Variants in SLCO1B1 observed in about 807,000 individuals in gnomAD.
SLCO1B1 encodes solute carrier organic anion transporter family member 1B1.
In SLCO1B1, 81 loss-of-function variants were observed where a neutral mutation model predicts 70.1. The observed-to-expected ratio is 1.16, with a 90% confidence interval of 0.97 to 1.39. The LOEUF is 1.39. Ranked by LOEUF, SLCO1B1 falls within the 40% of genes most tolerant of loss-of-function variation. The pLI is 0.00. For synonymous variants in SLCO1B1, 283 were observed against 271.5 expected (o/e 1.04, Z -0.42); for missense variants, 895 against 799.6 (o/e 1.12, Z -1.44).
intron 1 of SLCO1B1, among the ~76,000 whole-genome samples, chr12:21,139,468 A>C (rs1210939260): frequency 6.6e-6 from 1 of 152,164 alleles, no homozygotes; most frequent in Non-Finnish European, 1.5e-5. Flanking sequence ...ATATACTCAC[A>C]TATATGTAAG....
intron 2 of SLCO1B1, among the ~76,000 whole-genome samples, chr12:21,168,056 C>T (rs1466910088): frequency 6.6e-6 from 1 of 151,668 alleles, no homozygotes; most frequent in South Asian, 2.1e-4. Flanking sequence ...CTCCTGACCT[C>T]GTGATCCGCC....
intron 2 of SLCO1B1, among the ~76,000 whole-genome samples, chr12:21,158,140 A>C (rs1013424253): frequency 1.3e-5 from 2 of 152,218 alleles, no homozygotes; most frequent in African/African-American, 4.8e-5. Context: ...AAATTTCAAC[A>C]AACATTTAAC....
At chr12:21,212,071 T>C (rs1420358146) in intron 11 of SLCO1B1, among the ~76,000 whole-genome samples, 1 of 147,616 alleles carries the variant, frequency 6.8e-6, no homozygotes, top group Non-Finnish European at 1.5e-5. Flanking sequence ...CCTTCAGTTC[T>C]GCTCTGATTT....
chr12:21,164,842 C>A (rs144883775), intron 2 of SLCO1B1: 164 of 492,608 alleles, frequency 3.3e-4, no homozygotes, highest in African/African-American at 2.8e-3. Flanking sequence ...TTTTTCCTAT[C>A]TGCACATAAC....
At chr12:21,238,558 G>A (rs1426080729) in intron 14 of SLCO1B1, among the ~76,000 whole-genome samples, 1 of 151,662 alleles carries the variant, frequency 6.6e-6, no homozygotes, top group Non-Finnish European at 1.5e-5. Context: ...GCTTTGATAA[G>A]CCTTTATTAA....
At chr12:21,141,192 G>A (rs1341235778) in intron 1 of SLCO1B1, among the ~76,000 whole-genome samples, 1 of 151,922 alleles carries the variant, frequency 6.6e-6, no homozygotes, top group African/African-American at 2.4e-5. Flanking sequence ...CAATATAGGT[G>A]TGTAGAAAAG....
intron 3 of SLCO1B1, 107 bp downstream of exon 3, chr12:21,172,898 T>C (rs989324771): frequency 2.8e-6 from 3 of 1,076,248 alleles, no homozygotes; most frequent in Non-Finnish European, 2.7e-6. Flanking sequence ...CACAGGCAAT[T>C]TGGCAATAAC....
intron 7 of SLCO1B1, among the ~76,000 whole-genome samples, chr12:21,189,734 C>T (rs746699683): frequency 6.6e-6 from 1 of 152,088 alleles, no homozygotes; most frequent in African/African-American, 2.4e-5. Context: ...AGGTTATCAG[C>T]CACTGACTGA....
chr12:21,235,442 A>G (rs1176144609), intron 14 of SLCO1B1, among the ~76,000 whole-genome samples: 1 of 148,858 alleles, frequency 6.7e-6, no homozygotes, highest in Non-Finnish European at 1.5e-5. Flanking sequence ...GTGTCCTTAC[A>G]TACGAGATGG....
At chr12:21,200,744 T>G in intron 9 of SLCO1B1, 72 bp downstream of exon 9, 1 of 1,320,158 alleles carries the variant, frequency 7.6e-7, no homozygotes, top group Non-Finnish European at 1.1e-6. Flanking sequence ...AGTGGTATTT[T>G]ATTGTGAAAG....
intron 14 of SLCO1B1, among the ~76,000 whole-genome samples, chr12:21,228,353 G>A (rs112491583): frequency 1.3e-5 from 2 of 152,116 alleles, no homozygotes; most frequent in African/African-American, 2.4e-5. Context: ...TCTCTTGTCA[G>A]ATTGAAGATA....
chr12:21,190,949 T>C (rs1941023204), intron 7 of SLCO1B1, among the ~76,000 whole-genome samples: 1 of 152,112 alleles, frequency 6.6e-6, no homozygotes. Context: ...TATTTTATTC[T>C]GCATATTTCT....
chr12:21,145,465 T>C (rs1450032929), intron 2 of SLCO1B1, among the ~76,000 whole-genome samples: 1 of 131,306 alleles, frequency 7.6e-6, no homozygotes, highest in Non-Finnish European at 1.6e-5. Context: ...TCACCCAGCA[T>C]TTTTTTCATT....
intron 4 of SLCO1B1, among the ~76,000 whole-genome samples, chr12:21,174,981 G>A (rs1259001767): frequency 6.6e-6 from 1 of 152,102 alleles, no homozygotes; most frequent in Non-Finnish European, 1.5e-5. Context: ...CGTATATACT[G>A]TACGTCTTTG....
intron 7 of SLCO1B1, among the ~76,000 whole-genome samples, chr12:21,196,324 T>G (rs951741919): frequency 2.6e-5 from 4 of 152,212 alleles, no homozygotes; most frequent in Non-Finnish European, 4.4e-5. Flanking sequence ...ATATAGCATT[T>G]ACATAATACT....
chr12:21,207,820 T>C (rs563886935), intron 11 of SLCO1B1, among the ~76,000 whole-genome samples: 4 of 152,138 alleles, frequency 2.6e-5, no homozygotes, highest in African/African-American at 9.6e-5. Context: ...TTTAATGTTT[T>C]GAACCAGTCA....
intron 7 of SLCO1B1, among the ~76,000 whole-genome samples, chr12:21,182,447 G>T (rs1463565): frequency 6.6e-6 from 1 of 152,006 alleles, no homozygotes; most frequent in East Asian, 1.9e-4. Flanking sequence ...CCACCAAGTA[G>T]CTCTCAACTC....
chr12:21,185,889 A>T (rs1253414788), intron 7 of SLCO1B1, among the ~76,000 whole-genome samples: 2 of 152,146 alleles, frequency 1.3e-5, no homozygotes, highest in East Asian at 3.9e-4. Flanking sequence ...CAAAGATCAC[A>T]TTACAACTCC....
In SLCO1B1 at chr12:21,183,248, C is replaced by T. The variant is rs191169341; in HGVS notation, c.727+4228C>T. Among the ~76,000 whole-genome samples the T allele has an allele frequency of 1.3e-3, 191 of 152,304 alleles. 3 individuals are homozygous for T. In the South Asian group the frequency reaches 0.034, roughly 27 times the overall value. Reference sequence around the variant, plus strand: ...CCTCACTCTGTTACCCAGGCTAGAGCGCAGAGAAGCAATCGTAGCTCACTG... The same window carrying T: ...CCTCACTCTGTTACCCAGGCTAGAGTGCAGAGAAGCAATCGTAGCTCACTG... On this transcript the variant is annotated intron_variant, in intron 7 of 14. Transcript: ENST00000256958.
Sources: gnomAD v4.1 joint callset for allele counts (sites outside exome capture counted in the v4.1 genomes callset) on GRCh38, gnomAD v4.1.1 for gene constraint, MANE v1.5 for transcripts, NCBI Gene and HGNC (gene_info 2026-07-23, HGNC 2026-07-21) for gene names.